GPC6: variants seen among roughly 807,000 people sequenced by gnomAD.
GPC6 encodes glypican-6.
In GPC6, 14 loss-of-function variants were observed where a neutral mutation model predicts 55.2. The ratio of observed to expected loss-of-function variants is 0.25; its 90% CI spans 0.17 to 0.40. The LOEUF (loss-of-function observed/expected upper bound fraction) is 0.40. Ranked by LOEUF, GPC6 falls within the 10% of genes least tolerant of loss-of-function variation. The pLI, the probability that GPC6 is intolerant of heterozygous loss-of-function variation, is 1.00. For missense variants in GPC6, 641 were observed against 708.5 expected (o/e 0.90, Z 1.08); for synonymous variants, 278 against 259.6 (o/e 1.07, Z -0.68).
intron 2 of GPC6, among the ~76,000 whole-genome samples, chr13:93,576,078 T>C (rs527935425): frequency 2.6e-5 from 4 of 152,322 alleles, no homozygotes; most frequent in Non-Finnish European, 5.9e-5. Flanking sequence ...TATATGCTTC[T>C]TTCCCCTTTA....
At chr13:94,106,272 T>C (rs968357096) in intron 4 of GPC6, among the ~76,000 whole-genome samples, 1 of 152,186 alleles carries the variant, frequency 6.6e-6, no homozygotes, top group African/African-American at 2.4e-5. Flanking sequence ...ATGTGTAAGG[T>C]CATGGTCAAC....
At chr13:94,034,627 G>T (rs1206497672) in intron 4 of GPC6, among the ~76,000 whole-genome samples, 1 of 152,076 alleles carries the variant, frequency 6.6e-6, no homozygotes, top group African/African-American at 2.4e-5. Context: ...GTGTGTGTGG[G>T]TGTGTGTATT....
At chr13:93,243,955 A>G (rs1396723896) in intron 1 of GPC6, among the ~76,000 whole-genome samples, 1 of 151,892 alleles carries the variant, frequency 6.6e-6, no homozygotes, top group Non-Finnish European at 1.5e-5. Context: ...GGTGATGGGC[A>G]GGGCCGTGGA....
chr13:94,369,314 C>G (rs377615102), intron 6 of GPC6, among the ~76,000 whole-genome samples: 33 of 152,244 alleles, frequency 2.2e-4, no homozygotes, highest in African/African-American at 7.9e-4. Flanking sequence ...TGGCAGGTGG[C>G]CTTCTCACAG....
intron 6 of GPC6, among the ~76,000 whole-genome samples, chr13:94,343,129 A>G (rs1029921567): frequency 1.3e-5 from 2 of 152,192 alleles, no homozygotes; most frequent in African/African-American, 2.4e-5. Flanking sequence ...CGAGGTGTCT[A>G]TCACTCCGGG....
At chr13:93,414,775 T>C (rs1400122085) in intron 1 of GPC6, among the ~76,000 whole-genome samples, 1 of 152,072 alleles carries the variant, frequency 6.6e-6, no homozygotes, top group Non-Finnish European at 1.5e-5. Context: ...GCAGGAGATA[T>C]TTATTTCCTA....
chr13:93,361,634 T>C (rs1881044115), intron 1 of GPC6, among the ~76,000 whole-genome samples: 1 of 152,168 alleles, frequency 6.6e-6, no homozygotes, highest in South Asian at 2.1e-4. Flanking sequence ...AGAAAAAGTG[T>C]TTACAAATTG....
At chr13:93,672,546 T>C (rs1881408077) in intron 2 of GPC6, among the ~76,000 whole-genome samples, 1 of 151,874 alleles carries the variant, frequency 6.6e-6, no homozygotes, top group Admixed American at 6.6e-5. Flanking sequence ...TATAAGGCTT[T>C]CTGTGTTATC....
At chr13:93,468,194 T>C (rs1354804475) in intron 1 of GPC6, among the ~76,000 whole-genome samples, 1 of 152,092 alleles carries the variant, frequency 6.6e-6, no homozygotes, top group African/African-American at 2.4e-5. Context: ...TATGCCCACA[T>C]ATACACGAAT....
At chr13:93,285,636 G>GTGTGTA (rs1878093856) in intron 1 of GPC6, among the ~76,000 whole-genome samples, 1 of 149,124 alleles carries the variant, frequency 6.7e-6, no homozygotes, top group Non-Finnish European at 1.5e-5. Context: ...GTGTGTGTGT[G>GTGTGTA]TGTGTGTGTG....
At chr13:94,294,656 T>G (rs1875227097) in intron 5 of GPC6, among the ~76,000 whole-genome samples, 1 of 152,150 alleles carries the variant, frequency 6.6e-6, no homozygotes, top group South Asian at 2.1e-4. Context: ...CCAGATCTTT[T>G]TCCTTTCAAA....
intron 1 of GPC6, among the ~76,000 whole-genome samples, chr13:93,412,897 C>A (rs1178511936): frequency 6.6e-6 from 1 of 152,092 alleles, no homozygotes; most frequent in Non-Finnish European, 1.5e-5. Context: ...CACAGACCTG[C>A]AATGATTAAC....
intron 2 of GPC6, among the ~76,000 whole-genome samples, chr13:93,560,345 CAAAA>C (rs35073008): frequency 0.014 from 1,798 of 129,566 alleles, 39 homozygotes; most frequent in Middle Eastern, 0.046. Flanking sequence ...GTATCTCTAC[CAAAA>C]AAAAAAAAAA....
intron 1 of GPC6, among the ~76,000 whole-genome samples, chr13:93,508,186 G>C (rs567165126): frequency 2.6e-5 from 4 of 152,318 alleles, no homozygotes; most frequent in African/African-American, 9.6e-5. Context: ...GATAGTCAAG[G>C]TTGTATTTTA....
At chr13:94,002,677 G>T (rs776614011) in intron 3 of GPC6, among the ~76,000 whole-genome samples, 6 of 152,092 alleles carry the variant, frequency 3.9e-5, no homozygotes, top group African/African-American at 1.4e-4. Context: ...ATGTTTCAAT[G>T]TATATTCAGA....
At chr13:94,364,770 G>T (rs1879217208) in intron 6 of GPC6, among the ~76,000 whole-genome samples, 2 of 152,144 alleles carry the variant, frequency 1.3e-5, no homozygotes, top group Non-Finnish European at 1.5e-5. Flanking sequence ...GCAGCTGTGT[G>T]TGGGGGTGGG....
intron 2 of GPC6, among the ~76,000 whole-genome samples, chr13:93,598,393 A>G (rs1451049013): frequency 6.6e-6 from 1 of 152,142 alleles, no homozygotes; most frequent in Admixed American, 6.5e-5. Context: ...TCCTCTTTAC[A>G]TTCAACTAAG....
In GPC6 at chr13:93,789,238, A is replaced by G. The variant is rs545660074; in HGVS notation, c.320-40916A>G. ...ATCAAGTAGCCAGTTGGCTCTAAGA[A>G]TACAGGTTAGAAAATGAGTCAGAGC... On this transcript the variant is annotated intron_variant, in intron 2 of 8. Transcript: ENST00000377047. Among the ~76,000 whole-genome samples the G allele has an allele frequency of 3.2e-4, 49 of 152,148 alleles. 1 individual carries two copies. The highest frequency in any genetic ancestry group is 1.2e-3 in the African/African-American group (49 of 41,520).
At chr13:94,006,248 C>A (rs1566644691) in intron 3 of GPC6, among the ~76,000 whole-genome samples, 1 of 152,062 alleles carries the variant, frequency 6.6e-6, no homozygotes, top group Non-Finnish European at 1.5e-5. Flanking sequence ...TGCAAAGTGA[C>A]CCCCAAATCC....
Sources: allele counts gnomAD v4.1 joint callset (sites outside exome capture counted in the v4.1 genomes callset), GRCh38; gene constraint gnomAD v4.1.1; transcripts MANE v1.5; gene names NCBI Gene and HGNC (gene_info 2026-07-23, HGNC 2026-07-21).